Variants in CECR2 observed in about 807,000 individuals in gnomAD.
The protein encoded by CECR2 is chromatin remodeling regulator CECR2.
A neutral mutation model predicts 154.5 loss-of-function variants in CECR2; 30 were observed. That is an observed-to-expected ratio of 0.19 (90% CI 0.15 to 0.26). The LOEUF is 0.26. Ranked by LOEUF, CECR2 falls within the 10% of genes least tolerant of loss-of-function variation. The pLI is 1.00. For missense variants in CECR2, 1,743 were observed against 1,829.3 expected, an observed-to-expected ratio of 0.95 and a Z score of 0.86; for synonymous variants, 725 against 683.7, an observed-to-expected ratio of 1.06 and a Z score of -0.94.
intron 7 of CECR2, among the ~76,000 whole-genome samples, chr22:17,506,349 A>G (rs2055844532): frequency 6.6e-6 from 1 of 151,020 alleles, no homozygotes; most frequent in African/African-American, 2.4e-5. Flanking sequence ...CTGGTCCTGA[A>G]CTCCTGGGCT....
chr22:17,437,963 A>G lies in CECR2; in HGVS notation c.127-39625A>G, dbSNP rs193293272. 2.1e-4 allele frequency among the ~76,000 whole-genome samples: 32 copies of G among 152,372 alleles called. No homozygotes were observed. In the East Asian group the frequency reaches 6.0e-3, roughly 28 times the overall value. On this transcript the variant is annotated intron_variant, in intron 1 of 18. Coordinates refer to ENST00000262608, the MANE Select transcript of CECR2 (RefSeq NM_001290047.2). ...GACAAAGTTTCTTTTGTGGAGTAAT[A>G]GAAATGAGACTTTAATGTTAATGAA...
chr22:17,401,625 A>G (rs930104230), intron 1 of CECR2, among the ~76,000 whole-genome samples: 9 of 152,142 alleles, frequency 5.9e-5, no homozygotes, highest in Non-Finnish European at 7.3e-5. Context: ...AGATTCATTC[A>G]TTCTGTAGCA....
At chr22:17,512,018 A>G in intron 8 of CECR2, 122 bp downstream of exon 8, 2 of 732,652 alleles carry the variant, frequency 2.7e-6, no homozygotes, top group Non-Finnish European at 4.6e-6. Flanking sequence ...CCAAATGTTT[A>G]TTTAGCAATC....
chr22:17,493,620 A>T (rs2055569562), intron 2 of CECR2, among the ~76,000 whole-genome samples: 1 of 152,222 alleles, frequency 6.6e-6, no homozygotes, highest in Non-Finnish European at 1.5e-5. Flanking sequence ...TGGCATGGAG[A>T]TAGATGCCTT....
chr22:17,478,820 A>G (rs907443884), intron 2 of CECR2, among the ~76,000 whole-genome samples: 6 of 152,214 alleles, frequency 3.9e-5, no homozygotes, highest in African/African-American at 1.4e-4. Flanking sequence ...TTGCTCGTGC[A>G]CTAAGTATAA....
Position 17,548,757 on chromosome 22 carries a change from A to G in CECR2, c.3470A>G (p.His1157Arg). Residue 1157 changes from histidine to arginine, a missense_variant, in exon 17 of 19, where the codon CAT becomes CGT. By Grantham distance (29) the His-to-Arg change is conservative. Around this residue, in one of 4 missense-constraint regions of CECR2, gnomAD observed 1,250 missense variants for 1,192.1 expected, o/e 1.05. Coordinates refer to ENST00000262608, the MANE Select transcript of CECR2 (RefSeq NM_001290047.2). Reference protein sequence around the residue: ...GGKSPASHPQHFPPRGFQSNH... With the variant: ...GGKSPASHPQRFPPRGFQSNH... ...AAGTCCCCAGCATCCCATCCCCAGCATTTTCCCCCAAGGGGCTTTCAGTCT... is the reference window on the plus strand; with the variant it reads ...AAGTCCCCAGCATCCCATCCCCAGCGTTTTCCCCCAAGGGGCTTTCAGTCT... The G allele has an allele frequency of 6.2e-7, 1 of 1,613,612 alleles. No homozygotes were observed. The highest frequency in any genetic ancestry group is 8.5e-7 in the Non-Finnish European group (1 of 1,179,818).
At chr22:17,400,139 G>T (rs1198474740) in intron 1 of CECR2, among the ~76,000 whole-genome samples, 3 of 152,108 alleles carry the variant, frequency 2.0e-5, no homozygotes, top group Non-Finnish European at 4.4e-5. Context: ...TGCCTGCAGG[G>T]ACAATGTCCA....
intron 1 of CECR2, among the ~76,000 whole-genome samples, chr22:17,382,057 T>A (rs1350763989): frequency 8.1e-3 from 125 of 15,492 alleles, no homozygotes; most frequent in African/African-American, 0.024. Flanking sequence ...CCTGCTAATT[T>A]TTTTTTTTTT....
intron 1 of CECR2, among the ~76,000 whole-genome samples, chr22:17,363,993 A>G (rs944641502): frequency 4.6e-5 from 7 of 152,096 alleles, no homozygotes; most frequent in African/African-American, 1.7e-4. Flanking sequence ...ATAGGGAGTT[A>G]TGGAATGCAG....
intron 1 of CECR2, among the ~76,000 whole-genome samples, chr22:17,441,465 A>C (rs758318367): frequency 7.9e-5 from 12 of 152,168 alleles, no homozygotes; most frequent in Admixed American, 2.6e-4. Context: ...TAGTATGGTA[A>C]TTTTAAATCA....
rs1332926464 is a variant in CECR2 at position 17,552,148 on chromosome 22, G to A, written c.4389+6G>A. On this transcript the variant is annotated splice_donor_region_variant and intron_variant, in intron 18 of 18. Transcript: ENST00000262608. ...CAACACTTCCCCTGGATCAGGTAAG[G>A]ATCACTAAAAATTAGAGCTGTTCTT... 6.2e-7 allele frequency: 1 copy of A among 1,612,088 alleles called. No individual in the cohort carries two copies. The highest frequency in any genetic ancestry group is 1.7e-5 in the Admixed American group (1 of 60,004).
intron 1 of CECR2, among the ~76,000 whole-genome samples, chr22:17,454,073 T>A (rs2054814891): frequency 6.6e-6 from 1 of 152,166 alleles, no homozygotes; most frequent in Non-Finnish European, 1.5e-5. Flanking sequence ...TTTACCTTAT[T>A]TGTAAAATGG....
intron 1 of CECR2, among the ~76,000 whole-genome samples, chr22:17,363,379 T>C (rs1432713312): frequency 6.6e-6 from 1 of 152,092 alleles, no homozygotes; most frequent in Non-Finnish European, 1.5e-5. Flanking sequence ...CTAATTTTTT[T>C]GTATTTTTAG....
At position 17,422,322 on chromosome 22, in the gene CECR2, C is replaced by T. The variant is rs1002858832; in HGVS notation, c.126+52413C>T. On this transcript the variant is annotated intron_variant, in intron 1 of 18. Coordinates refer to ENST00000262608, the MANE Select transcript of CECR2 (RefSeq NM_001290047.2). ...AAGCAGTTCTTCTGCCTCAGTCCCCCGAGTAGCTGGGATTACAGGCGCGCG... is the reference window on the plus strand; with the variant it reads ...AAGCAGTTCTTCTGCCTCAGTCCCCTGAGTAGCTGGGATTACAGGCGCGCG... Among the ~76,000 whole-genome samples, 12 of 152,072 alleles carry T rather than the reference C, an allele frequency of 7.9e-5. No homozygotes were observed. The South Asian group carries it at 1.2e-3, about 16-fold the overall frequency.
intron 1 of CECR2, among the ~76,000 whole-genome samples, chr22:17,470,176 G>A (rs1475958234): frequency 3.3e-5 from 5 of 151,988 alleles, no homozygotes; most frequent in East Asian, 3.9e-4. Context: ...GGTGGCTCAC[G>A]CATGTAATCC....
chr22:17,548,671 T>A lies in CECR2; in HGVS notation c.3384T>A (p.Asn1128Lys). ...PLYMPGLEYPNSAAHYHISPG... is the reference protein window; with the variant it reads ...PLYMPGLEYPKSAAHYHISPG... ...ATATGCCTGGCCTAGAGTACCCGAA[T>A]TCAGCTGCCCATTACCACATCAGTC... The change falls in exon 17 of 19, where the codon AAT becomes AAA. Residue 1128 changes from asparagine (N) to lysine (K), a missense_variant. Around this residue, in one of 4 missense-constraint regions of CECR2, gnomAD observed 1,250 missense variants for 1,192.1 expected, o/e 1.05. Transcript: ENST00000262608. 1.2e-6 allele frequency: 2 copies of A among 1,613,456 alleles called. No individual in the cohort carries two copies. The highest frequency in any genetic ancestry group is 1.7e-6 in the Non-Finnish European group (2 of 1,179,726).
At chr22:17,448,221 C>A (rs2054708551) in intron 1 of CECR2, among the ~76,000 whole-genome samples, 3 of 152,124 alleles carry the variant, frequency 2.0e-5, no homozygotes. Flanking sequence ...GTGTGTACTA[C>A]ACATCCATGA....
intron 1 of CECR2, among the ~76,000 whole-genome samples, chr22:17,431,933 A>G (rs1415952872): frequency 6.6e-6 from 1 of 151,908 alleles, no homozygotes; most frequent in Admixed American, 6.6e-5. Context: ...CAGCAGGCAC[A>G]CTCCACTCAC....
chr22:17,387,508 A>G (rs61005375), intron 1 of CECR2, among the ~76,000 whole-genome samples: 8,270 of 152,236 alleles, frequency 0.054, 331 homozygotes, highest in African/African-American at 0.12. Flanking sequence ...GGAATTAACG[A>G]GAAGGCCCCG....
Sources: allele counts gnomAD v4.1 joint callset (sites outside exome capture counted in the v4.1 genomes callset), GRCh38; gene constraint gnomAD v4.1.1; regional missense constraint gnomAD v4.1.1; transcripts MANE v1.5; gene names NCBI Gene and HGNC (gene_info 2026-07-23, HGNC 2026-07-21).